The following MAF variants were observed in gnomAD, a reference collection of about 807,000 sequenced individuals.
MAF encodes transcription factor Maf.
Under a neutral mutation model 22.0 loss-of-function variants are expected in MAF, and 10 were observed. The observed-to-expected ratio is 0.45, with a 90% CI of 0.28 to 0.77. The LOEUF (loss-of-function observed/expected upper bound fraction) is 0.77. MAF is among the 30% of genes least tolerant of loss of function. The pLI, the probability that MAF is intolerant of heterozygous loss-of-function variation, is 0.12. For synonymous variants in MAF, 337 were observed against 255.8 expected (o/e 1.32, Z -3.03); for missense variants, 544 against 548.4 (o/e 0.99, Z 0.08).
At chr16:79,396,669 C>T in the MAF span, among the ~76,000 whole-genome samples, 1 of 152,156 alleles carries the variant, frequency 6.6e-6, no homozygotes, top group Admixed American at 6.5e-5. Flanking sequence ...CAGAAGAATG[C>T]GTAGAGAGCA....
chr16:79,363,750 C>T, the MAF span, among the ~76,000 whole-genome samples: 2 of 152,086 alleles, frequency 1.3e-5, no homozygotes, highest in African/African-American at 4.8e-5. Flanking sequence ...TGGGGCAAGA[C>T]TTCAAAATAG....
At chr16:79,498,282 C>T in the MAF span, among the ~76,000 whole-genome samples, 6 of 152,256 alleles carry the variant, frequency 3.9e-5, no homozygotes, top group African/African-American at 7.2e-5. Flanking sequence ...CGGCTCTGGT[C>T]GTTGTAGCAG....
the MAF span, among the ~76,000 whole-genome samples, chr16:79,425,605 A>AAAACC: frequency 3.9e-5 from 6 of 152,220 alleles, no homozygotes; most frequent in South Asian, 2.1e-4. Context: ...TGCCATCATT[A>AAAACC]AAACCAAACC....
chr16:79,292,889 A>G, the MAF span, among the ~76,000 whole-genome samples: 1 of 152,128 alleles, frequency 6.6e-6, no homozygotes, highest in Admixed American at 6.5e-5. Context: ...GCAATTTACA[A>G]ATGCCCAAAT....
At chr16:79,511,188 C>T in the MAF span, among the ~76,000 whole-genome samples, 1 of 152,078 alleles carries the variant, frequency 6.6e-6, no homozygotes, top group Non-Finnish European at 1.5e-5. Flanking sequence ...TCTCTCCAAA[C>T]CTTCTCCCTT....
the MAF span, among the ~76,000 whole-genome samples, chr16:79,563,141 C>T: frequency 1.1e-3 from 161 of 152,194 alleles, 1 homozygote; most frequent in Non-Finnish European, 1.9e-3. Flanking sequence ...AGGCTGTACC[C>T]ATAAAGCACT....
chr16:79,494,814 G>A, the MAF span, among the ~76,000 whole-genome samples: 2 of 152,054 alleles, frequency 1.3e-5, no homozygotes, highest in Non-Finnish European at 2.9e-5. Context: ...CATAAGTCTG[G>A]GCCTCTGGGA....
chr16:79,585,255 GA>G (rs1359880410), downstream of MAF, among the ~76,000 whole-genome samples: 1 of 152,150 alleles, frequency 6.6e-6, no homozygotes, highest in Non-Finnish European at 1.5e-5. Flanking sequence ...TTTAATAGAT[GA>G]AAATCAGGTT....
chr16:79,429,933 T>G, the MAF span, among the ~76,000 whole-genome samples: 1 of 151,998 alleles, frequency 6.6e-6, no homozygotes, highest in South Asian at 2.1e-4. Flanking sequence ...GGCTACCGGG[T>G]GGAGCAAAGA....
the MAF span, among the ~76,000 whole-genome samples, chr16:79,506,121 T>C: frequency 1.3e-5 from 2 of 152,154 alleles, no homozygotes; most frequent in Non-Finnish European, 2.9e-5. Context: ...GAGTGAAATA[T>C]GCAATAAGAA....
the MAF span, among the ~76,000 whole-genome samples, chr16:79,253,634 T>C: frequency 3.3e-5 from 5 of 152,026 alleles, no homozygotes; most frequent in Non-Finnish European, 5.9e-5. Flanking sequence ...GTTTTTCTAC[T>C]CCTTTCTTCA....
At chr16:79,428,608 G>A in the MAF span, among the ~76,000 whole-genome samples, 3 of 152,102 alleles carry the variant, frequency 2.0e-5, no homozygotes, top group Non-Finnish European at 4.4e-5. Context: ...GGGAGGCCGA[G>A]GCAGGTGGAT....
the MAF span, among the ~76,000 whole-genome samples, chr16:79,456,735 C>G: frequency 6.6e-6 from 1 of 152,228 alleles, no homozygotes; most frequent in South Asian, 2.1e-4. Flanking sequence ...TAGAAACAGC[C>G]CTTTACAAGG....
chr16:79,422,324 T>G, the MAF span, among the ~76,000 whole-genome samples: 1 of 152,232 alleles, frequency 6.6e-6, no homozygotes, highest in African/African-American at 2.4e-5. Context: ...TTTTCCTTTC[T>G]GCACGGGCCA....
chr16:79,308,446 C>T, the MAF span, among the ~76,000 whole-genome samples: 1 of 152,108 alleles, frequency 6.6e-6, no homozygotes, highest in African/African-American at 2.4e-5. Flanking sequence ...CCTCAATGAG[C>T]CTCTGCTTGC....
chr16:79,286,865 A>T, the MAF span, among the ~76,000 whole-genome samples: 2 of 152,212 alleles, frequency 1.3e-5, no homozygotes, highest in East Asian at 3.9e-4. Context: ...TGCACTCAAC[A>T]TGCCTCTTCC....
the MAF span, among the ~76,000 whole-genome samples, chr16:79,368,777 C>T: frequency 6.6e-6 from 1 of 152,206 alleles, no homozygotes; most frequent in African/African-American, 2.4e-5. Context: ...TGATATCCCA[C>T]AGCTAACTCT....
chr16:79,507,725 G>A, the MAF span, among the ~76,000 whole-genome samples: 9 of 152,122 alleles, frequency 5.9e-5, no homozygotes, highest in African/African-American at 2.2e-4. Flanking sequence ...GCGCCCGGCC[G>A]CATCCTACTT....
chr16:79,437,133 G>C, the MAF span, among the ~76,000 whole-genome samples: 1 of 98,298 alleles, frequency 1.0e-5, no homozygotes, highest in Non-Finnish European at 2.4e-5. Context: ...ATGGGAGAAA[G>C]CTCTCTCTCT....
Sources: gnomAD v4.1 joint callset for allele counts (sites outside exome capture counted in the v4.1 genomes callset) on GRCh38, gnomAD v4.1.1 for gene constraint, MANE v1.5 for transcripts, NCBI Gene and HGNC (gene_info 2026-07-23, HGNC 2026-07-21) for gene names.